TENT4B: variants seen among roughly 807,000 people sequenced by gnomAD.
The protein encoded by TENT4B is terminal nucleotidyltransferase 4B, also known as PAP associated domain containing 5.
Under a neutral mutation model 75.0 loss-of-function variants are expected in TENT4B, and 10 were observed. The ratio of observed to expected loss-of-function variants is 0.13; its 90% CI spans 0.08 to 0.23. TENT4B has a LOEUF of 0.23. Ranked by LOEUF, TENT4B falls within the 10% of genes least tolerant of loss-of-function variation. The pLI is 1.00. For synonymous variants in TENT4B, 350 were observed against 357.7 expected (o/e 0.98, Z 0.24); for missense variants, 579 against 893.8 (o/e 0.65, Z 4.49).
intron 5 of TENT4B, among the ~76,000 whole-genome samples, chr16:50,218,936 T>G (rs570435689): frequency 6.6e-6 from 1 of 152,302 alleles, no homozygotes; most frequent in South Asian, 2.1e-4. Context: ...TTTTTTTTTC[T>G]GTAGCAGCTC....
rs2030921216 is a variant in TENT4B at position 50,205,665 on chromosome 16, G to C, written c.639-5658G>C. Among the ~76,000 whole-genome samples the C allele has an allele frequency of 2.8e-5, 4 of 141,152 alleles. 1 individual carries two copies. Among genetic ancestry groups the C allele is most frequent in the Admixed American group, 2.3e-4 (3 of 13,044 alleles). 92.6% of individuals were successfully genotyped at this position (141,152 alleles called of 152,430 possible). ...GAGTGCAGTGGCATGATCTCAGCTT[G>C]CTGTGATCTCTGCCTCCTGGGTTCA... On this transcript the variant is annotated intron_variant, in intron 1 of 11. Transcript: ENST00000561678.
intron 1 of TENT4B, among the ~76,000 whole-genome samples, chr16:50,204,281 G>A (rs2030823811): frequency 6.6e-6 from 1 of 152,164 alleles, no homozygotes; most frequent in Non-Finnish European, 1.5e-5. Flanking sequence ...GTCAGGGAAG[G>A]TGGAGGGGCA....
Position 50,234,850 on chromosome 16 carries a change from A to G in TENT4B, c.*5522A>G. Reference sequence around the variant, plus strand: ...CATTTTTAGTGGAATATACATAGATAACGTGTATTTAGAAACTTTGGTGAA... The same window carrying G: ...CATTTTTAGTGGAATATACATAGATGACGTGTATTTAGAAACTTTGGTGAA... On this transcript the variant is annotated 3_prime_UTR_variant, in exon 12 of 12. Coordinates refer to ENST00000561678, the MANE Select transcript of TENT4B (RefSeq NM_001365324.3). The G allele has an allele frequency of 1.0e-6, 1 of 985,630 alleles. No individual in the cohort carries two copies. The highest frequency in any genetic ancestry group is 1.2e-6 in the Non-Finnish European group (1 of 829,792). 61.1% of individuals were successfully genotyped at this position (985,630 alleles called of 1,614,324 possible). A position where few individuals can be genotyped will look rare whatever the true frequency, so the allele number is the denominator to read the frequency against.
At chr16:50,191,701 C>A (rs2038642477) in intron 1 of TENT4B, among the ~76,000 whole-genome samples, 1 of 152,026 alleles carries the variant, frequency 6.6e-6, no homozygotes, top group African/African-American at 2.4e-5. Context: ...GGGCAGATCA[C>A]CTGAGGTCGC....
At chr16:50,225,050 T>C in intron 9 of TENT4B, 48 bp from the exon 10 acceptor site, 1 of 1,608,032 alleles carries the variant, frequency 6.2e-7, no homozygotes. Context: ...CTGTGTTGTG[T>C]GCGTTTAATG....
intron 1 of TENT4B, among the ~76,000 whole-genome samples, chr16:50,171,645 T>C (rs2038208706): frequency 6.6e-6 from 1 of 152,160 alleles, no homozygotes. Context: ...ATATGTGGAT[T>C]TTTTTTCAAC....
At chr16:50,185,077 T>A (rs2038500216) in intron 1 of TENT4B, among the ~76,000 whole-genome samples, 1 of 152,192 alleles carries the variant, frequency 6.6e-6, no homozygotes, top group African/African-American at 2.4e-5. Flanking sequence ...TCCACCCTGA[T>A]ACTCTTTGGG....
chr16:50,196,413 C>T (rs1038682840), intron 1 of TENT4B, among the ~76,000 whole-genome samples: 1 of 151,836 alleles, frequency 6.6e-6, no homozygotes, highest in Non-Finnish European at 1.5e-5. Context: ...TTGTTGTTAC[C>T]ACAGTATGAG....
intron 1 of TENT4B, among the ~76,000 whole-genome samples, chr16:50,195,798 A>G (rs2030195333): frequency 1.3e-5 from 2 of 152,228 alleles, no homozygotes; most frequent in African/African-American, 2.4e-5. Flanking sequence ...AAATTTTACA[A>G]TTTTGTGAGC....
At chr16:50,194,220 T>C (rs544960515) in intron 1 of TENT4B, among the ~76,000 whole-genome samples, 3 of 151,068 alleles carry the variant, frequency 2.0e-5, no homozygotes, top group African/African-American at 4.8e-5. Context: ...TTCTTTCTTT[T>C]TTTTTTTTTC....
intron 1 of TENT4B, among the ~76,000 whole-genome samples, chr16:50,191,637 A>C (rs978475414): frequency 2.0e-5 from 3 of 152,174 alleles, no homozygotes; most frequent in Non-Finnish European, 4.4e-5. Context: ...TATCATTAAT[A>C]GGCCAGGCGC....
intron 1 of TENT4B, among the ~76,000 whole-genome samples, chr16:50,208,738 C>CTT (rs922655265): frequency 4.1e-5 from 6 of 146,304 alleles, no homozygotes; most frequent in African/African-American, 1.5e-4. Context: ...AATGAATTGT[C>CTT]TTTTTTTTTT....
chr16:50,217,531 C>T, intron 4 of TENT4B, 25 bp from the exon 5 acceptor site: 1 of 1,265,528 alleles, frequency 7.9e-7, no homozygotes, highest in Non-Finnish European at 1.1e-6. Context: ...AAAGCATTTA[C>T]ATTTTACCTT....
At chr16:50,178,359 T>A (rs1052538397) in intron 1 of TENT4B, among the ~76,000 whole-genome samples, 1 of 151,872 alleles carries the variant, frequency 6.6e-6, no homozygotes, top group Non-Finnish European at 1.5e-5. Context: ...GTGGGAGGAT[T>A]GCTTGAGCCC....
intron 2 of TENT4B, 39 bp from the exon 3 acceptor site, chr16:50,214,182 G>C: frequency 6.9e-7 from 1 of 1,457,472 alleles, no homozygotes; most frequent in Middle Eastern, 2.4e-4. Context: ...AACAACTTCT[G>C]ATAACTCAAT....
chr16:50,165,484 G>C (rs900948466), intron 1 of TENT4B, among the ~76,000 whole-genome samples: 3 of 84,040 alleles, frequency 3.6e-5, no homozygotes, highest in Non-Finnish European at 9.7e-5. Flanking sequence ...GTACAGTTCA[G>C]TGGTTTTCAT....
chr16:50,163,641 C>T (rs1413815660), intron 1 of TENT4B, among the ~76,000 whole-genome samples: 2 of 151,236 alleles, frequency 1.3e-5, no homozygotes, highest in Non-Finnish European at 2.9e-5. Flanking sequence ...TCTTGTGATC[C>T]ACCTGCCTCG....
At chr16:50,224,241 A>T (rs2031949102) in intron 7 of TENT4B, among the ~76,000 whole-genome samples, 1 of 152,196 alleles carries the variant, frequency 6.6e-6, no homozygotes, top group South Asian at 2.1e-4. Flanking sequence ...GGACACGAAG[A>T]CTTTTCAGCA....
At chr16:50,202,141 T>C (rs971673169) in intron 1 of TENT4B, among the ~76,000 whole-genome samples, 2 of 152,222 alleles carry the variant, frequency 1.3e-5, no homozygotes, top group African/African-American at 4.8e-5. Flanking sequence ...CTATTTAATA[T>C]AAATTATTTA....
Sources: allele counts gnomAD v4.1 joint callset (sites outside exome capture counted in the v4.1 genomes callset), GRCh38; gene constraint gnomAD v4.1.1; transcripts MANE v1.5; gene names NCBI Gene and HGNC (gene_info 2026-07-23, HGNC 2026-07-21).